Variants in FSTL4 observed in about 807,000 individuals in gnomAD.
FSTL4 encodes the protein follistatin like 4.
Under a neutral mutation model 78.2 loss-of-function variants are expected in FSTL4, and 28 were observed. That is an observed-to-expected ratio of 0.36 (90% confidence interval 0.27 to 0.49). The LOEUF is 0.49. Among genes scored for constraint, FSTL4 ranks in the 20% least tolerant of loss-of-function variants. The probability of loss-of-function intolerance (pLI) is 0.98; values close to 1 mark genes in which losing one functional copy is unlikely to be tolerated. For missense variants in FSTL4, 922 were observed against 1,084.9 expected, an observed-to-expected ratio of 0.85 and a Z score of 2.11; for synonymous variants, 422 against 440.5, an observed-to-expected ratio of 0.96 and a Z score of 0.53.
At chr5:133,206,485 C>T (rs960618370) in intron 14 of FSTL4, among the ~76,000 whole-genome samples, 5 of 152,150 alleles carry the variant, frequency 3.3e-5, no homozygotes, top group Non-Finnish European at 5.9e-5. Context: ...CCTCAGCCTC[C>T]TGAGTCGCTG....
intron 7 of FSTL4, among the ~76,000 whole-genome samples, chr5:133,245,069 A>G (rs1348416660): frequency 2.0e-5 from 3 of 151,288 alleles, no homozygotes. Context: ...GCAGTGAGCC[A>G]AGATCATGCC....
the FSTL4 span, among the ~76,000 whole-genome samples, chr5:133,824,045 C>G: frequency 1.3e-5 from 2 of 152,190 alleles, no homozygotes; most frequent in Non-Finnish European, 2.9e-5. Context: ...CCCCACACCA[C>G]CCAGGCACTC....
the FSTL4 span, among the ~76,000 whole-genome samples, chr5:133,685,347 C>A: frequency 6.6e-6 from 1 of 152,174 alleles, no homozygotes; most frequent in African/African-American, 2.4e-5. Flanking sequence ...TGACAGCTGA[C>A]ATTGAGGCAC....
chr5:133,672,233 AT>A, the FSTL4 span, among the ~76,000 whole-genome samples: 1 of 152,148 alleles, frequency 6.6e-6, no homozygotes, highest in Admixed American at 6.5e-5. Flanking sequence ...CTATTATGAA[AT>A]GTATTATTTG....
At chr5:133,632,623 G>C in the FSTL4 span, among the ~76,000 whole-genome samples, 1 of 152,090 alleles carries the variant, frequency 6.6e-6, no homozygotes, top group Admixed American at 6.6e-5. Context: ...TCTTTCATCA[G>C]TTGAAAAACG....
the FSTL4 span, among the ~76,000 whole-genome samples, chr5:133,674,771 G>C: frequency 6.6e-6 from 1 of 152,226 alleles, no homozygotes; most frequent in Non-Finnish European, 1.5e-5. Context: ...AATCACATGA[G>C]TTGTGTGGGT....
the FSTL4 span, among the ~76,000 whole-genome samples, chr5:133,810,266 G>A: frequency 5.3e-5 from 8 of 152,234 alleles, no homozygotes; most frequent in African/African-American, 1.4e-4. Flanking sequence ...AGAACTTCCA[G>A]GCTATCAGAA....
chr5:133,636,081 T>A, the FSTL4 span, among the ~76,000 whole-genome samples: 1 of 152,248 alleles, frequency 6.6e-6, no homozygotes, highest in South Asian at 2.1e-4. Context: ...TCAATAAATG[T>A]ATGTTGAATG....
chr5:133,210,270 T>A lies in FSTL4; in HGVS notation c.1637A>T (p.Lys546Met). 1.2e-6 allele frequency: 2 copies of A among 1,611,344 alleles called. No individual in the cohort carries two copies. Among genetic ancestry groups the A allele is most frequent in the Non-Finnish European group, 1.7e-6 (2 of 1,177,582 alleles). The change falls in exon 14 of 16, where the codon AAG (lysine) becomes ATG (methionine). Residue 546 changes from lysine to methionine, a missense_variant. By Grantham distance (95) the Lys-to-Met change is moderately conservative (BLOSUM62 -1). Coordinates refer to ENST00000265342, the MANE Select transcript of FSTL4 (RefSeq NM_015082.2). ...QSIGVDPLPA[K>M]LSYDKSHDQV... ...GTCATGTGACTTGTCATAGGACAGC[T>A]TAGCCGGCAGAGGGTCCACACCTAT...
At chr5:133,707,529 C>T in the FSTL4 span, among the ~76,000 whole-genome samples, 2 of 152,178 alleles carry the variant, frequency 1.3e-5, no homozygotes, top group African/African-American at 4.8e-5. Flanking sequence ...GGAAAGCATC[C>T]CTGTAGCCTG....
chr5:133,277,645 A>G (rs1043127796), intron 6 of FSTL4, among the ~76,000 whole-genome samples: 22 of 152,122 alleles, frequency 1.4e-4, no homozygotes, highest in African/African-American at 5.3e-4. Context: ...TCCTGGGAGG[A>G]GCCTGCAGGA....
At chr5:133,782,946 G>A in the FSTL4 span, among the ~76,000 whole-genome samples, 3 of 152,184 alleles carry the variant, frequency 2.0e-5, no homozygotes, top group Admixed American at 2.0e-4. Flanking sequence ...CTCTGTCAGG[G>A]ACTTGCAGGT....
At chr5:133,492,351 T>C (rs1261001280) in intron 3 of FSTL4, among the ~76,000 whole-genome samples, 2 of 152,176 alleles carry the variant, frequency 1.3e-5, no homozygotes, top group East Asian at 3.8e-4. Context: ...TATTACATTA[T>C]TTTCTTCTGG....
At chr5:133,201,732 G>C (rs76643210) in intron 15 of FSTL4, among the ~76,000 whole-genome samples, 44 of 152,324 alleles carry the variant, frequency 2.9e-4, no homozygotes, top group Non-Finnish European at 5.0e-4. Flanking sequence ...CAGTATAATA[G>C]AGTTATTGAC....
At chr5:133,499,685 C>G (rs1288037754) in intron 3 of FSTL4, among the ~76,000 whole-genome samples, 1 of 152,132 alleles carries the variant, frequency 6.6e-6, no homozygotes, top group Non-Finnish European at 1.5e-5. Flanking sequence ...CTGATTAATC[C>G]TGTGCTGGGG....
chr5:133,363,755 C>T (rs982711629), intron 4 of FSTL4, among the ~76,000 whole-genome samples: 3 of 152,120 alleles, frequency 2.0e-5, no homozygotes, highest in Admixed American at 6.5e-5. Context: ...CAAACTCCTG[C>T]TTACTACCTT....
intron 3 of FSTL4, among the ~76,000 whole-genome samples, chr5:133,470,388 C>T (rs1050812251): frequency 4.6e-5 from 7 of 152,192 alleles, no homozygotes; most frequent in Non-Finnish European, 1.0e-4. Context: ...TATCCTCAGT[C>T]GGTTTCAACA....
the FSTL4 span, among the ~76,000 whole-genome samples, chr5:133,820,213 G>T: frequency 6.6e-6 from 1 of 152,144 alleles, no homozygotes; most frequent in Non-Finnish European, 1.5e-5. Flanking sequence ...TCCCCGGGCC[G>T]GCTGGGAGGG....
the FSTL4 span, among the ~76,000 whole-genome samples, chr5:133,670,867 T>C: frequency 6.6e-6 from 1 of 152,190 alleles, no homozygotes; most frequent in South Asian, 2.1e-4. Flanking sequence ...GTATACTGGT[T>C]GTACAAATGG....
Sources: gnomAD v4.1 joint callset for allele counts (sites outside exome capture counted in the v4.1 genomes callset) on GRCh38, gnomAD v4.1.1 for gene constraint, MANE v1.5 for transcripts, NCBI Gene and HGNC (gene_info 2026-07-23, HGNC 2026-07-21) for gene names.